Variants in ESPL1 observed in about 807,000 individuals in gnomAD.
The protein encoded by ESPL1 is extra spindle pole bodies like 1, separase, also known as separin.
ESPL1 carries 50 observed loss-of-function variants against 217.2 expected under a neutral mutation model. The observed-to-expected ratio is 0.23, with a 90% CI of 0.18 to 0.29. The LOEUF is 0.29. ESPL1 is among the 10% of genes least tolerant of loss of function. ESPL1 has a pLI of 1.00. For synonymous variants in ESPL1, 994 were observed against 1,081.3 expected, an observed-to-expected ratio of 0.92 and a Z score of 1.58; for missense variants, 1,834 against 2,603.0, an observed-to-expected ratio of 0.70 and a Z score of 6.43.
chr12:53,285,483 C>T (rs116850133), intron 17 of ESPL1, among the ~76,000 whole-genome samples: 1,698 of 152,158 alleles, frequency 0.011, 92 homozygotes, highest in Admixed American at 0.084. Flanking sequence ...CCAAGGCGGG[C>T]GGATCACAAG....
chr12:53,279,749 G>T lies in ESPL1; in HGVS notation c.2382G>T (p.Glu794Asp). ...QLVAKPMQAL[E>D]VLLLLRIVSE... Reference sequence around the variant, plus strand: ...CTGACCAGCCCATGCAGGCTCTGGAGGTCCTCCTGCTGCTACGGATTGTCT... The same window carrying T: ...CTGACCAGCCCATGCAGGCTCTGGATGTCCTCCTGCTGCTACGGATTGTCT... Residue 794 changes from glutamate to aspartate, a missense_variant, in exon 12 of 31, where the codon GAG (glutamate) becomes GAT (aspartate). This residue lies in a region of ESPL1 where 746 missense variants were observed against 1,077.0 expected (regional missense o/e 0.69). Transcript: ENST00000257934. 4 of 1,614,060 alleles carry T rather than the reference G, an allele frequency of 2.5e-6. No homozygotes were observed. The highest frequency in any genetic ancestry group is 3.4e-6 in the Non-Finnish European group (4 of 1,180,014).
chr12:53,276,735 A>G lies in ESPL1; in HGVS notation c.1816A>G (p.Ile606Val), dbSNP rs775293865. The G allele has an allele frequency of 7.4e-6, 12 of 1,613,614 alleles. No individual in the cohort carries two copies. Among genetic ancestry groups the G allele is most frequent in the Non-Finnish European group, 9.3e-6 (11 of 1,180,014 alleles). ...RADTGQERFN[I>V]ICDLLELSPE... Reference sequence around the variant, plus strand: ...CGACACTGGACAGGAACGCTTCAACATCATCTGTGACCTCCTGGAGCTGAG... The same window carrying G: ...CGACACTGGACAGGAACGCTTCAACGTCATCTGTGACCTCCTGGAGCTGAG... The change falls in exon 8 of 31, where the codon ATC becomes GTC. Residue 606 changes from isoleucine to valine, a missense_variant. Coordinates refer to ENST00000257934, the MANE Select transcript of ESPL1 (RefSeq NM_012291.5).
chr12:53,286,880 A>G lies in ESPL1; in HGVS notation c.4144A>G (p.Arg1382Gly), dbSNP rs1372859639. The G allele has an allele frequency of 4.4e-6, 7 of 1,608,746 alleles. No individual in the cohort carries two copies. Among genetic ancestry groups the G allele is most frequent in the East Asian group, 2.2e-5 (1 of 44,862 alleles). Reference sequence around the variant, plus strand: ...CAAGCCTGAAGTACCCCAGGCCCCCAGGGTACAACAGAGAGTCCAGACGCG... The same window carrying G: ...CAAGCCTGAAGTACCCCAGGCCCCCGGGGTACAACAGAGAGTCCAGACGCG... ...ESKPEVPQAP[R>G]VQQRVQTRLK... Residue 1382 changes from arginine (R) to glycine (G), a missense_variant, in exon 18 of 31, where the codon AGG becomes GGG. Transcript: ENST00000257934. This position sits in a 1 kb window ranked among gnomAD's most constrained non-coding sequence, Gnocchi z 5.3.
chr12:53,269,736 GC>G lies in ESPL1; in HGVS notation c.796del (p.Arg266AlafsTer17). On this transcript the variant is annotated frameshift_variant, in exon 3 of 31. Transcript: ENST00000257934. LOFTEE classifies it high-confidence loss of function. This position sits in a 1 kb window ranked among gnomAD's most constrained non-coding sequence, Gnocchi z 6.7. ...TLEHCRRFCW[S>X]RHHDKAISAV... ...GAACACTGCCGTCGCTTTTGCTGGA[GC>G]CGCCACCATGACAAAGCCATCAGCG... The G allele has an allele frequency of 6.2e-7, 1 of 1,614,172 alleles. No homozygotes were observed. Among genetic ancestry groups the G allele is most frequent in the Non-Finnish European group, 8.5e-7 (1 of 1,180,034 alleles).
chr12:53,288,043 G>A lies in ESPL1; in HGVS notation c.4248G>A (p.Lys1416=), dbSNP rs1304968076. 6.2e-7 allele frequency: 1 copy of A among 1,613,478 alleles called. No homozygotes were observed. The highest frequency in any genetic ancestry group is 8.5e-7 in the Non-Finnish European group (1 of 1,180,024). ...AGGCCTGGCTGGCAGAGGAGCCTAA[G>A]AGACGGGGCACTGCTTCCCGGGGCC... ...SAEAWLAEEP[K]RRGTASRGRG... The change falls in exon 19 of 31, where the codon AAG becomes AAA. Residue 1416 remains lysine, a synonymous_variant. Coordinates refer to ENST00000257934, the MANE Select transcript of ESPL1 (RefSeq NM_012291.5).
intron 6 of ESPL1, 146 bp downstream of exon 6, chr12:53,273,003 C>A: frequency 1.4e-6 from 1 of 726,472 alleles, no homozygotes; most frequent in Non-Finnish European, 2.2e-6. Context: ...GTTTCCCAAA[C>A]CTCACTGTAC....
At chr12:53,283,602 G>A in intron 16 of ESPL1, 64 bp downstream of exon 16, 3 of 1,470,542 alleles carry the variant, frequency 2.0e-6, no homozygotes, top group Non-Finnish European at 2.8e-6. Flanking sequence ...CTTGAACATG[G>A]ATTCCAAACT....
chr12:53,291,698 C>A lies in ESPL1; in HGVS notation c.5529C>A (p.Leu1843=). Residue 1843 remains leucine, a synonymous_variant, in exon 26 of 31, where the codon CTC becomes CTA. Transcript: ENST00000257934. ...CCACTGTTTCCCTGCAGATCATGCT[C>A]AGTGGTGCCGGTGCCCTCACCCCTC... ...YPDRTLLKIM[L]SGAGALTPQD... 1.2e-6 allele frequency: 2 copies of A among 1,613,766 alleles called. No individual in the cohort carries two copies. The highest frequency in any genetic ancestry group is 1.1e-5 in the South Asian group (1 of 91,042).
intron 2 of ESPL1, 44 bp downstream of exon 2, chr12:53,268,891 T>G: frequency 6.4e-7 from 1 of 1,553,584 alleles, no homozygotes; most frequent in East Asian, 2.3e-5. Flanking sequence ...CTTTCCAAAC[T>G]GAGCTGTTTT....
chr12:53,288,206 C>T lies in ESPL1; in HGVS notation c.4411C>T (p.Pro1471Ser), dbSNP rs755223409. 2 of 1,610,894 alleles carry T rather than the reference C, an allele frequency of 1.2e-6. No homozygotes were observed. The highest frequency in any genetic ancestry group is 1.7e-5 in the Admixed American group (1 of 59,252). ...VASRHCEERR[P>S]QRASDQARPG... ...ATCAAGACATTGTGAGGAGCGGCGT[C>T]CCCAGAGGGCCAGTGACCAGGCCAG... The change falls in exon 19 of 31, where the codon CCC becomes TCC. Residue 1471 changes from proline to serine, a missense_variant. By Grantham distance (74) the Pro-to-Ser change is moderately conservative. This residue lies in a region of ESPL1 where 681 missense variants were observed against 808.0 expected (regional missense o/e 0.84). Transcript: ENST00000257934.
At position 53,282,246 on chromosome 12, in the gene ESPL1, G is replaced by T. The variant is rs199610523; in HGVS notation, c.2620-18G>T. 126 of 1,612,202 alleles carry T rather than the reference G, an allele frequency of 7.8e-5. No homozygotes were observed. Among genetic ancestry groups the T allele is most frequent in the Non-Finnish European group, 9.8e-5 (116 of 1,178,672 alleles). ...CCTGACTGCCTTACTGCCTCCTCTG[G>T]CTCCTTCTCTCCTTCAGGTGACCAA... On this transcript the variant is annotated intron_variant, in intron 13 of 30. Coordinates refer to ENST00000257934, the MANE Select transcript of ESPL1 (RefSeq NM_012291.5). The surrounding 1 kb of genome is among the most constrained non-coding windows in gnomAD (Gnocchi z 4.0).
Position 53,277,237 on chromosome 12 carries a change from G to A in ESPL1, c.2085+10G>A. The stretch of plus-strand genomic sequence containing the variant: ...AGCCAAAATGCAGGAAGTGAGTGTG[G>A]CTGCTGTGGGGCTCACCAGAACTGG... On this transcript the variant is annotated intron_variant, in intron 9 of 30. Transcript: ENST00000257934. 1 of 1,602,960 alleles carries A rather than the reference G, an allele frequency of 6.2e-7. No individual in the cohort carries two copies. Among genetic ancestry groups the A allele is most frequent in the Non-Finnish European group, 8.5e-7 (1 of 1,170,790 alleles).
intron 11 of ESPL1, among the ~76,000 whole-genome samples, chr12:53,279,113 ACTC>A (rs996413283): frequency 1.3e-4 from 20 of 151,134 alleles, no homozygotes; most frequent in Middle Eastern, 3.4e-3. Context: ...CTGATCTCGA[ACTC>A]CTGATCTCAG....
Position 53,277,216 on chromosome 12 carries a change from A to G in ESPL1, c.2074A>G (p.Lys692Glu). Residue 692 changes from lysine to glutamate, a missense_variant, in exon 9 of 31, where the codon AAA becomes GAA. This residue lies in a region of ESPL1 where 746 missense variants were observed against 1,077.0 expected (regional missense o/e 0.69). Coordinates refer to ENST00000257934, the MANE Select transcript of ESPL1 (RefSeq NM_012291.5). ...GCTTTACATCTGTACTCTGGAAGCC[A>G]AAATGCAGGAAGTGAGTGTGGCTGC... ...LWLYICTLEA[K>E]MQEGIERDRR... 1 of 1,608,658 alleles carries G rather than the reference A, an allele frequency of 6.2e-7. No homozygotes were observed. The highest frequency in any genetic ancestry group is 8.5e-7 in the Non-Finnish European group (1 of 1,175,418).
Position 53,290,353 on chromosome 12 carries a change from C to T in ESPL1, c.5248C>T (p.Leu1750=). ...QIPTGQNKLH[L]RSVLNEFDAI... ...ACAGCCCCATCTCCCAAAGCTTCAT[C>T]TGCGTTCAGTCCTGAATGAGTTTGA... The change falls in exon 24 of 31, where the codon CTG becomes TTG. Residue 1750 remains leucine (L), a synonymous_variant. Transcript: ENST00000257934. The T allele has an allele frequency of 6.2e-7, 1 of 1,612,880 alleles. No individual in the cohort carries two copies. The highest frequency in any genetic ancestry group is 8.5e-7 in the Non-Finnish European group (1 of 1,180,018).
At chr12:53,290,282 G>A (rs1387584445) in intron 23 of ESPL1, 65 bp from the exon 24 acceptor site, 1 of 1,610,664 alleles carries the variant, frequency 6.2e-7, no homozygotes, top group African/African-American at 1.3e-5. Context: ...CACATTCTGT[G>A]TTGAGGGAGG....
In ESPL1 at chr12:53,285,945, A is replaced by G; in HGVS notation, c.3209A>G (p.His1070Arg). Residue 1070 changes from histidine to arginine, a missense_variant, in exon 18 of 31, where the codon CAC becomes CGC. Physicochemically the swap from His to Arg is conservative, Grantham distance 29. Coordinates refer to ENST00000257934, the MANE Select transcript of ESPL1 (RefSeq NM_012291.5). The stretch of plus-strand genomic sequence containing the variant: ...CCAGAGTTTGGTGGGGTGACTCAGC[A>G]CCTGGACTCTGTGAAGAAGGTCCAC... ...SCTEFGGVTQHLDSVKKVHLQ... is the reference protein window; with the variant it reads ...SCTEFGGVTQRLDSVKKVHLQ... 1.3e-6 allele frequency: 2 copies of G among 1,539,778 alleles called. No homozygotes were observed. Among genetic ancestry groups the G allele is most frequent in the Non-Finnish European group, 8.8e-7 (1 of 1,139,680 alleles).
Position 53,278,783 on chromosome 12 carries a change from G to A in ESPL1, c.2364+823G>A, listed in dbSNP as rs146611652. Among the ~76,000 whole-genome samples the A allele has an allele frequency of 1.6e-3, 243 of 151,674 alleles. 2 individuals are homozygous for A. Among genetic ancestry groups the A allele is most frequent in the Non-Finnish European group, 1.4e-3 (93 of 67,890 alleles). ...TTTTTGTATTTTTAGTATAGACAGG[G>A]TTTCACCATATTGGCCAGGCCGGTC... On this transcript the variant is annotated intron_variant, in intron 11 of 30. Coordinates refer to ENST00000257934, the MANE Select transcript of ESPL1 (RefSeq NM_012291.5).
intron 5 of ESPL1, among the ~76,000 whole-genome samples, chr12:53,271,243 G>A (rs1943668281): frequency 7.6e-6 from 1 of 132,264 alleles, no homozygotes; most frequent in African/African-American, 2.8e-5. Flanking sequence ...GCACAATCAC[G>A]GCTCAACACA....
Sources: gnomAD v4.1 joint callset for allele counts (sites outside exome capture counted in the v4.1 genomes callset) on GRCh38, gnomAD v4.1.1 for gene constraint, gnomAD v4.1.1 regional missense constraint, Gnocchi (gnomAD v3.1) non-coding constraint, MANE v1.5 for transcripts, NCBI Gene and HGNC (gene_info 2026-07-23, HGNC 2026-07-21) for gene names.